The following PSIP1 variants were observed in gnomAD, a reference collection of about 807,000 sequenced individuals.
PSIP1 encodes the protein PC4 and SFRS1-interacting protein.
PSIP1 carries 19 observed loss-of-function variants against 74.7 expected under a neutral mutation model. The observed-to-expected ratio is 0.25, with a 90% CI of 0.18 to 0.37. PSIP1 has a LOEUF of 0.37. Ranked by LOEUF, PSIP1 falls within the 10% of genes least tolerant of loss-of-function variation. The probability of loss-of-function intolerance (pLI) is 1.00; values close to 1 mark genes in which losing one functional copy is unlikely to be tolerated. For synonymous variants in PSIP1, 222 were observed against 195.3 expected, an observed-to-expected ratio of 1.14 and a Z score of -1.14; for missense variants, 601 against 614.3, an observed-to-expected ratio of 0.98 and a Z score of 0.23.
At chr9:15,497,382 G>A (rs988816168) in intron 3 of PSIP1, among the ~76,000 whole-genome samples, 15 of 143,964 alleles carry the variant, frequency 1.0e-4, no homozygotes, top group East Asian at 2.0e-4. Flanking sequence ...GGAGTGCAAT[G>A]GTGCTATCTT....
chr9:15,509,141 GAATTT>G (rs1204306487), intron 2 of PSIP1, among the ~76,000 whole-genome samples: 1 of 152,120 alleles, frequency 6.6e-6, no homozygotes. Context: ...TAAAACTACA[GAATTT>G]AATTATTTTT....
At position 15,510,227 on chromosome 9, in the gene PSIP1, C is replaced by G. The variant is rs760204424; in HGVS notation, c.-39G>C. On this transcript the variant is annotated 5_prime_UTR_variant, in exon 2 of 16. Transcript: ENST00000380733. Reference sequence around the variant, plus strand: ...GACCGGGGGTCCGAAGCCCGGGAGGCGGCGAGGAGATGCGGCGGCGCGGGG... The same window carrying G: ...GACCGGGGGTCCGAAGCCCGGGAGGGGGCGAGGAGATGCGGCGGCGCGGGG... The G allele has an allele frequency of 1.3e-6, 2 of 1,580,116 alleles. No individual in the cohort carries two copies. Among genetic ancestry groups the G allele is most frequent in the Admixed American group, 3.5e-5 (2 of 57,448 alleles).
chr9:15,501,338 T>C (rs558567746), intron 3 of PSIP1, among the ~76,000 whole-genome samples: 21 of 149,144 alleles, frequency 1.4e-4, no homozygotes, highest in Non-Finnish European at 2.5e-4. Flanking sequence ...GATGACAAGA[T>C]AGACAAGGTC....
intron 8 of PSIP1, among the ~76,000 whole-genome samples, chr9:15,477,709 G>C (rs1183930127): frequency 6.6e-6 from 1 of 151,860 alleles, no homozygotes; most frequent in Non-Finnish European, 1.5e-5. Context: ...AGGGAAAAAT[G>C]CAAAAAACCA....
intron 10 of PSIP1, chr9:15,471,941 G>GAAGTGACAGTCTA: frequency 1.0e-6 from 1 of 975,772 alleles, no homozygotes; most frequent in Non-Finnish European, 1.2e-6. Flanking sequence ...AAAGAACTCA[G>GAAGTGACAGTCTA]AAGTGACAGT....
rs1333610821 is a variant in PSIP1, at chr9:15,469,975, T to A, written c.996A>T (p.Gly332=). 6.2e-7 allele frequency: 1 copy of A among 1,607,778 alleles called. No homozygotes were observed. Among genetic ancestry groups the A allele is most frequent in the South Asian group, 1.1e-5 (1 of 90,994 alleles). ...CCACTTTCTTAACTTCTGGCTTCTT[T>A]CCTTCATCTTTATTCTGCCTATCAA... The part of the protein sequence containing the change: ...METEQQNKDE[G]KKPEVKKVEK... Residue 332 remains glycine (G), a synonymous_variant, in exon 11 of 16, where the codon GGA becomes GGT. Coordinates refer to ENST00000380733, the MANE Select transcript of PSIP1 (RefSeq NM_033222.5).
chr9:15,497,622 G>A (rs796685626), intron 3 of PSIP1, among the ~76,000 whole-genome samples: 7 of 152,198 alleles, frequency 4.6e-5, no homozygotes, highest in African/African-American at 1.7e-4. Flanking sequence ...ACCGCGCCCG[G>A]CTGATTCCAT....
intron 3 of PSIP1, among the ~76,000 whole-genome samples, chr9:15,501,145 G>A (rs1042792092): frequency 2.6e-5 from 4 of 151,654 alleles, no homozygotes; most frequent in Admixed American, 6.6e-5. Context: ...ACCTGCCCAA[G>A]GTTATATAGC....
In PSIP1 at chr9:15,468,730, C is replaced by T. The variant is rs755366665; in HGVS notation, c.1320G>A (p.Leu440=). 1.2e-6 allele frequency: 2 copies of T among 1,614,062 alleles called. No homozygotes were observed. The highest frequency in any genetic ancestry group is 1.7e-6 in the Non-Finnish European group (2 of 1,179,972). The stretch of plus-strand genomic sequence containing the variant: ...GTCTTTGTTCAGCAAGAGATTTATT[C>T]AGCACTTGGGTGATCACGGAATCTC... ...GEGDSVITQV[L]NKSLAEQRQH... Residue 440 remains leucine (L), a synonymous_variant, in exon 14 of 16, where the codon CTG becomes CTA. Transcript: ENST00000380733.
chr9:15,468,801 T>G lies in PSIP1; in HGVS notation c.1249A>C (p.Thr417Pro). The G allele has an allele frequency of 6.2e-7, 1 of 1,614,050 alleles. No individual in the cohort carries two copies. The highest frequency in any genetic ancestry group is 8.5e-7 in the Non-Finnish European group (1 of 1,179,916). Residue 417 changes from threonine to proline, a missense_variant, in exon 14 of 16, where the codon ACA becomes CCA. Thr to Pro is a conservative substitution (Grantham distance 38). This residue lies in a region of PSIP1 where 538 missense variants were observed against 507.6 expected (regional missense o/e 1.06). Transcript: ENST00000380733. ...TTCTTAAACTTGTTATACAACATTG[T>G]AGACTTTTCCATGATTACCTGACTA... ...KVSQVIMEKS[T>P]MLYNKFKNMF...
At chr9:15,468,583 A>T in intron 14 of PSIP1, 47 bp downstream of exon 14, 2 of 1,577,102 alleles carry the variant, frequency 1.3e-6, no homozygotes. Context: ...CAGTCCTGGC[A>T]AATGGTTTAA....
Position 15,465,005 on chromosome 9 carries a change from ATTAAC to A in PSIP1, c.*510_*514del, listed in dbSNP as rs1207898705. 4.5e-6 allele frequency: 1 copy of A among 220,172 alleles called. No individual in the cohort carries two copies. Among genetic ancestry groups the A allele is most frequent in the Admixed American group, 5.8e-5 (1 of 17,304 alleles). 13.6% of individuals were successfully genotyped at this position (220,172 alleles called of 1,614,324 possible). ...GCACAATGTAGACTGTGAGATTAAA[ATTAAC>A]TTTTGATAAAAAGGGAGTGAGTACT... On this transcript the variant is annotated 3_prime_UTR_variant, in exon 16 of 16. Coordinates refer to ENST00000380733, the MANE Select transcript of PSIP1 (RefSeq NM_033222.5).
In PSIP1 at chr9:15,465,691, A is replaced by C. The variant is rs2035576486; in HGVS notation, c.1533-111T>G. 2.4e-6 allele frequency: 2 copies of C among 844,898 alleles called. 1 individual carries two copies. The highest frequency in any genetic ancestry group is 5.6e-5 in the Admixed American group (2 of 35,448). 52.3% of individuals were successfully genotyped at this position (844,898 alleles called of 1,614,324 possible). On this transcript the variant is annotated intron_variant, in intron 15 of 15. Transcript: ENST00000380733. ...TAAACCCATGAAAAGACTGAAACCA[A>C]CCAAACAAAAGAAAAACTTGACTTG... is the stretch of plus-strand genomic sequence containing the variant.
At chr9:15,485,714 A>C (rs1466988156) in intron 6 of PSIP1, among the ~76,000 whole-genome samples, 1 of 152,206 alleles carries the variant, frequency 6.6e-6, no homozygotes, top group Non-Finnish European at 1.5e-5. Flanking sequence ...TTAATCCTCC[A>C]CAACCTTGGA....
intron 8 of PSIP1, among the ~76,000 whole-genome samples, chr9:15,474,743 T>C (rs928231616): frequency 6.6e-6 from 1 of 152,160 alleles, no homozygotes; most frequent in Non-Finnish European, 1.5e-5. Context: ...CTGCTGCATA[T>C]TTATGCAAGT....
At chr9:15,483,342 T>C (rs1396085389) in intron 6 of PSIP1, among the ~76,000 whole-genome samples, 1 of 152,018 alleles carries the variant, frequency 6.6e-6, no homozygotes, top group Non-Finnish European at 1.5e-5. Context: ...CCTTAGATTC[T>C]AGTTCCCTCC....
chr9:15,488,972 G>T (rs1381121198), intron 4 of PSIP1, among the ~76,000 whole-genome samples: 1 of 152,148 alleles, frequency 6.6e-6, no homozygotes, highest in African/African-American at 2.4e-5. Flanking sequence ...AGTGAGCCAA[G>T]ATAGAGCCAA....
chr9:15,473,663 G>A (rs1036858914), intron 9 of PSIP1, among the ~76,000 whole-genome samples: 2 of 152,060 alleles, frequency 1.3e-5, no homozygotes, highest in Non-Finnish European at 2.9e-5. Flanking sequence ...CACTTTGGGA[G>A]GCCAAGGTGG....
rs1282663244 is a variant in PSIP1 at position 15,477,934 on chromosome 9, T to TTGAGACCAGCCTGGGAACGA, written c.629+523_629+542dup. Among the ~76,000 whole-genome samples, 7 of 151,742 alleles carry TTGAGACCAGCCTGGGAACGA rather than the reference T, an allele frequency of 4.6e-5. No individual in the cohort carries two copies. The East Asian group carries it at 9.7e-4, about 21-fold the overall frequency. ...GGGAGAATCGTTTGAGCCCAGGAGTTTGAGACCAGCCTGGGAACGATGAGA... is the reference window on the plus strand; with the variant it reads ...GGGAGAATCGTTTGAGCCCAGGAGTTTGAGACCAGCCTGGGAACGATGAGACCAGCCTGGGAACGATGAGA... On this transcript the variant is annotated intron_variant, in intron 8 of 15. Coordinates refer to ENST00000380733, the MANE Select transcript of PSIP1 (RefSeq NM_033222.5).
Sources: gnomAD v4.1 joint callset for allele counts (sites outside exome capture counted in the v4.1 genomes callset) on GRCh38, gnomAD v4.1.1 for gene constraint, gnomAD v4.1.1 regional missense constraint, MANE v1.5 for transcripts, NCBI Gene and HGNC (gene_info 2026-07-23, HGNC 2026-07-21) for gene names.